The following CDH23 variants were observed in gnomAD, a reference collection of about 807,000 sequenced individuals.
The protein encoded by CDH23 is cadherin related 23.
A neutral mutation model predicts 317.1 loss-of-function variants in CDH23; 189 were observed. The observed-to-expected ratio is 0.60, with a 90% confidence interval of 0.53 to 0.67. The LOEUF (loss-of-function observed/expected upper bound fraction) is 0.67, where lower values mean the gene tolerates loss of function less well. Among genes scored for constraint, CDH23 ranks in the 30% least tolerant of loss-of-function variants. The probability of loss-of-function intolerance (pLI) is 0.00; values close to 1 mark genes in which losing one functional copy is unlikely to be tolerated. For synonymous variants in CDH23, 1,839 were observed against 1,876.8 expected (o/e 0.98, Z 0.52); for missense variants, 4,401 against 4,592.4 (o/e 0.96, Z 1.20).
chr10:71,795,934 C>T, intron 48 of CDH23: 1 of 986,384 alleles, frequency 1.0e-6, no homozygotes. Flanking sequence ...ACCACCCTTC[C>T]TGTCCTGTGG....
chr10:71,764,152 A>G (rs1840470003), intron 38 of CDH23, among the ~76,000 whole-genome samples: 1 of 152,164 alleles, frequency 6.6e-6, no homozygotes, highest in African/African-American at 2.4e-5. Context: ...GTATGATCTC[A>G]AAGCCTGGAG....
chr10:71,814,871 A>G, intron 69 of CDH23, 81 bp from the exon 70 acceptor site: 1 of 1,452,070 alleles, frequency 6.9e-7, no homozygotes, highest in Non-Finnish European at 9.2e-7. Context: ...TCAGCCACAT[A>G]GCCAGTGGGT....
At chr10:71,536,822 A>G (rs534643356) in intron 6 of CDH23, among the ~76,000 whole-genome samples, 44 of 152,202 alleles carry the variant, frequency 2.9e-4, no homozygotes, top group African/African-American at 9.6e-4. Flanking sequence ...GAAGGGACCC[A>G]TCAGGGTGCA....
At chr10:71,664,586 G>T (rs1302589031) in intron 14 of CDH23, among the ~76,000 whole-genome samples, 1 of 152,222 alleles carries the variant, frequency 6.6e-6, no homozygotes, top group Non-Finnish European at 1.5e-5. Context: ...GACAAAGAGA[G>T]CTTGTAGAAC....
At chr10:71,789,483 C>T (rs530399791) in intron 45 of CDH23, among the ~76,000 whole-genome samples, 1 of 152,126 alleles carries the variant, frequency 6.6e-6, no homozygotes, top group African/African-American at 2.4e-5. Context: ...AGCCCTCTCC[C>T]CACACACATG....
chr10:71,689,053 ATGGTGGAGCCAGGGG>A (rs1564733928), intron 19 of CDH23, among the ~76,000 whole-genome samples: 604 of 7,820 alleles, frequency 0.077, 8 homozygotes, highest in Middle Eastern at 0.17. Context: ...GGAGCCAGGG[ATGGTGGAGCCAGGGG>A]TGGTGGAGCC....
At chr10:71,500,153 G>A (rs1346076203) in intron 3 of CDH23, among the ~76,000 whole-genome samples, 1 of 152,142 alleles carries the variant, frequency 6.6e-6, no homozygotes, top group Non-Finnish European at 1.5e-5. Context: ...AATGATAAGT[G>A]TTTGAGGTGA....
At chr10:71,583,201 T>C (rs1858764438) in intron 9 of CDH23, among the ~76,000 whole-genome samples, 2 of 149,160 alleles carry the variant, frequency 1.3e-5, no homozygotes, top group Non-Finnish European at 3.0e-5. Flanking sequence ...CATTCATGCA[T>C]CTGCAGTAGC....
intron 30 of CDH23, among the ~76,000 whole-genome samples, chr10:71,726,206 A>G (rs1866802619): frequency 6.6e-6 from 1 of 151,500 alleles, no homozygotes; most frequent in Admixed American, 6.6e-5. Flanking sequence ...ACCCCTACAC[A>G]CTCAGCAGCC....
intron 3 of CDH23, among the ~76,000 whole-genome samples, chr10:71,480,513 G>A (rs149311761): frequency 6.6e-5 from 10 of 152,348 alleles, no homozygotes; most frequent in African/African-American, 2.2e-4. Flanking sequence ...AGGCATTGAG[G>A]TGGCTGCTGC....
At chr10:71,587,717 T>A (rs1324590922) in intron 9 of CDH23, among the ~76,000 whole-genome samples, 1 of 152,224 alleles carries the variant, frequency 6.6e-6, no homozygotes, top group Non-Finnish European at 1.5e-5. Flanking sequence ...TTCTGGGGGC[T>A]TTGAACCTGA....
At chr10:71,458,805 T>A (rs758921654) in intron 3 of CDH23, among the ~76,000 whole-genome samples, 10 of 152,244 alleles carry the variant, frequency 6.6e-5, no homozygotes, top group Non-Finnish European at 1.0e-4. Flanking sequence ...TTTTTGTTTT[T>A]GAGATGGAGT....
intron 8 of CDH23, among the ~76,000 whole-genome samples, chr10:71,572,199 A>G (rs892963405): frequency 2.0e-5 from 3 of 152,340 alleles, no homozygotes; most frequent in African/African-American, 7.2e-5. Context: ...TTCCGTGGGC[A>G]GTGGGAGCCC....
chr10:71,702,782 C>G (rs1181323492), intron 24 of CDH23, 88 bp downstream of exon 24: 4 of 1,493,018 alleles, frequency 2.7e-6, no homozygotes, highest in African/African-American at 2.8e-5. Context: ...CTTTGCAGGG[C>G]TGGGGCAGGG....
intron 6 of CDH23, among the ~76,000 whole-genome samples, chr10:71,517,643 C>G (rs950769417): frequency 6.6e-6 from 1 of 152,240 alleles, no homozygotes; most frequent in Non-Finnish European, 1.5e-5. Flanking sequence ...CGTGTCATCT[C>G]CCACGCCAGG....
At chr10:71,511,037 G>A (rs1853947139) in intron 5 of CDH23, 36 bp downstream of exon 5, 2 of 1,613,182 alleles carry the variant, frequency 1.2e-6, no homozygotes, top group Admixed American at 1.7e-5. Context: ...GCATGTTCCT[G>A]GGGTCACAGG....
chr10:71,667,359 A>AGTGT (rs67337082), intron 14 of CDH23, among the ~76,000 whole-genome samples: 6,630 of 111,804 alleles, frequency 0.059, 225 homozygotes, highest in Non-Finnish European at 0.074. Flanking sequence ...AGAGAGAGAG[A>AGTGT]GTGTGTGTGT....
At chr10:71,584,601 T>C (rs1007205647) in intron 9 of CDH23, among the ~76,000 whole-genome samples, 6 of 132,150 alleles carry the variant, frequency 4.5e-5, no homozygotes, top group African/African-American at 1.6e-4. Flanking sequence ...TCAGATACAG[T>C]CAGACTTGCA....
In CDH23 at chr10:71,414,483, C is replaced by T. The variant is rs145241718; in HGVS notation, c.-6+17165C>T. 1.2e-3 allele frequency among the ~76,000 whole-genome samples: 188 copies of T among 152,278 alleles called. 1 individual carries two copies. The highest frequency in any genetic ancestry group is 4.3e-3 in the African/African-American group (180 of 41,552). ...CACTGGTTGATTTTCAAAAGTTAAC[C>T]AACCTTGCATTCTTGGAATAAATCC... is the stretch of plus-strand genomic sequence containing the variant. On this transcript the variant is annotated intron_variant, in intron 1 of 69. Coordinates refer to ENST00000224721, the MANE Select transcript of CDH23 (RefSeq NM_022124.6).
Sources: gnomAD v4.1 joint callset for allele counts (sites outside exome capture counted in the v4.1 genomes callset) on GRCh38, gnomAD v4.1.1 for gene constraint, MANE v1.5 for transcripts, NCBI Gene and HGNC (gene_info 2026-07-23, HGNC 2026-07-21) for gene names.